Variants in DSCAML1 observed in about 807,000 individuals in gnomAD.
DSCAML1 encodes the protein cell adhesion molecule DSCAML1.
In DSCAML1, 38 loss-of-function variants were observed where a neutral mutation model predicts 200.5. The ratio of observed to expected loss-of-function variants is 0.19; its 90% CI spans 0.15 to 0.25. DSCAML1 has a LOEUF of 0.25. DSCAML1 is among the 10% of genes least tolerant of loss of function. The pLI, the probability that DSCAML1 is intolerant of heterozygous loss-of-function variation, is 1.00. For synonymous variants in DSCAML1, 1,215 were observed against 1,165.0 expected (o/e 1.04, Z -0.87); for missense variants, 2,223 against 2,858.8 (o/e 0.78, Z 5.07).
At chr11:117,744,903 C>T (rs961297609) in intron 3 of DSCAML1, among the ~76,000 whole-genome samples, 3 of 152,242 alleles carry the variant, frequency 2.0e-5, no homozygotes, top group African/African-American at 7.2e-5. Flanking sequence ...CCCTGCATGC[C>T]AGGGCCTGTC....
chr11:117,665,262 G>T (rs1414112544), intron 3 of DSCAML1, among the ~76,000 whole-genome samples: 1 of 152,212 alleles, frequency 6.6e-6, no homozygotes, highest in African/African-American at 2.4e-5. Flanking sequence ...GTGTCCCCAA[G>T]GGGACTGGAA....
At chr11:117,660,863 G>A (rs144450606) in intron 3 of DSCAML1, among the ~76,000 whole-genome samples, 212 of 152,306 alleles carry the variant, frequency 1.4e-3, no homozygotes, top group African/African-American at 4.8e-3. Flanking sequence ...TTCTGAATTT[G>A]AGAAAGATCC....
In DSCAML1 at chr11:117,616,062, C is replaced by T. The variant is rs528336528; in HGVS notation, c.512-83540G>A. 9.8e-5 allele frequency among the ~76,000 whole-genome samples: 15 copies of T among 152,326 alleles called. No homozygotes were observed. In the South Asian group the frequency reaches 3.1e-3, roughly 32 times the overall value. On this transcript the variant is annotated intron_variant, in intron 3 of 32. Transcript: ENST00000651296. Reference sequence around the variant, plus strand: ...GGTTGCAGCCACTCAGGGTATCAGACACAGTAATCCTGTAATTGACAGAGT... The same window carrying T: ...GGTTGCAGCCACTCAGGGTATCAGATACAGTAATCCTGTAATTGACAGAGT...
chr11:117,571,682 G>T (rs1413482970), intron 3 of DSCAML1, among the ~76,000 whole-genome samples: 2 of 151,576 alleles, frequency 1.3e-5, no homozygotes, highest in African/African-American at 2.4e-5. Context: ...CCACCTACAG[G>T]TGTTCTCCTT....
intron 3 of DSCAML1, among the ~76,000 whole-genome samples, chr11:117,560,050 G>C (rs936550611): frequency 6.6e-6 from 1 of 152,126 alleles, no homozygotes; most frequent in Non-Finnish European, 1.5e-5. Context: ...GCTGGGAGGG[G>C]TGGGGGCAGG....
chr11:117,591,949 C>T (rs1228418505), intron 3 of DSCAML1, among the ~76,000 whole-genome samples: 4 of 152,118 alleles, frequency 2.6e-5, no homozygotes, highest in African/African-American at 9.7e-5. Context: ...CAAAGGGAGG[C>T]AGGGCTGGGA....
At position 117,540,291 on chromosome 11, in the gene DSCAML1, G is replaced by T. The variant is rs962005990; in HGVS notation, c.512-7769C>A. On this transcript the variant is annotated intron_variant, in intron 3 of 32. Coordinates refer to ENST00000651296, the MANE Select transcript of DSCAML1 (RefSeq NM_020693.4). ...CAGCAGCAGCATTAGATTCTCACAG[G>T]AGTGCGAACCCTATTGTGAACTGTG... Among the ~76,000 whole-genome samples, 3 of 152,292 alleles carry T rather than the reference G, an allele frequency of 2.0e-5. No homozygotes were observed. The South Asian group carries it at 6.2e-4, about 32-fold the overall frequency.
intron 15 of DSCAML1, among the ~76,000 whole-genome samples, chr11:117,471,504 A>G (rs2137180153): frequency 6.6e-6 from 1 of 152,318 alleles, no homozygotes; most frequent in East Asian, 1.9e-4. Flanking sequence ...CATGATAACA[A>G]AAGAAAACAT....
intron 3 of DSCAML1, among the ~76,000 whole-genome samples, chr11:117,705,602 AAG>A (rs1320353014): frequency 6.6e-6 from 1 of 152,142 alleles, no homozygotes; most frequent in Non-Finnish European, 1.5e-5. Flanking sequence ...GAGGCTCAGA[AAG>A]AGAGACCAGT....
intron 3 of DSCAML1, chr11:117,611,164 C>T (rs1324798104): frequency 6.6e-6 from 1 of 152,230 alleles, no homozygotes; most frequent in Non-Finnish European, 1.5e-5. Flanking sequence ...TTCTACCCGC[C>T]CTCCTCACTT....
At chr11:117,592,388 T>C (rs1344404068) in intron 3 of DSCAML1, among the ~76,000 whole-genome samples, 2 of 152,136 alleles carry the variant, frequency 1.3e-5, no homozygotes, top group African/African-American at 4.8e-5. Flanking sequence ...TCTCCACATC[T>C]GTGTCCGTGT....
chr11:117,609,030 ACAAAC>A (rs772173160), intron 3 of DSCAML1, among the ~76,000 whole-genome samples: 1,815 of 116,554 alleles, frequency 0.016, 45 homozygotes, highest in African/African-American at 0.052. Flanking sequence ...AAACAAACAA[ACAAAC>A]AAAAAAAACA....
At chr11:117,608,752 A>C (rs1164692884) in intron 3 of DSCAML1, among the ~76,000 whole-genome samples, 1 of 152,256 alleles carries the variant, frequency 6.6e-6, no homozygotes, top group Admixed American at 6.5e-5. Context: ...TATCAGGTCT[A>C]CAGGAAATAA....
intron 3 of DSCAML1, among the ~76,000 whole-genome samples, chr11:117,688,132 A>G (rs1418500782): frequency 6.6e-6 from 1 of 152,250 alleles, no homozygotes; most frequent in African/African-American, 2.4e-5. Flanking sequence ...GGAATTCTCA[A>G]TAGCAGCAGC....
intron 3 of DSCAML1, among the ~76,000 whole-genome samples, chr11:117,579,422 C>A (rs1456951390): frequency 2.6e-5 from 4 of 152,196 alleles, no homozygotes; most frequent in Non-Finnish European, 5.9e-5. Context: ...ACAACTGGAT[C>A]ATTTTCACTT....
chr11:117,749,099 C>A (rs1417670071), intron 3 of DSCAML1, among the ~76,000 whole-genome samples: 5 of 152,168 alleles, frequency 3.3e-5, no homozygotes, highest in Admixed American at 6.5e-5. Context: ...ATCTTCATTC[C>A]CAGAGAGGAT....
intron 11 of DSCAML1, among the ~76,000 whole-genome samples, chr11:117,499,242 G>A (rs958594061): frequency 6.6e-6 from 1 of 152,140 alleles, no homozygotes; most frequent in Non-Finnish European, 1.5e-5. Flanking sequence ...GAAATAAAAG[G>A]CAGCTCTGTG....
Position 117,469,532 on chromosome 11 carries a change from C to G in DSCAML1, c.3024+378G>C, listed in dbSNP as rs2048644315. ...GGTAGGGAGGGCAGTTGTTTTCATG[C>G]TGATGTTAGAAAGGAGGAACTTGGC... On this transcript the variant is annotated intron_variant, in intron 16 of 32. Transcript: ENST00000651296. This position sits in a 1 kb window ranked among gnomAD's most constrained non-coding sequence, Gnocchi z 4.1. Among the ~76,000 whole-genome samples, 1 of 152,144 alleles carries G rather than the reference C, an allele frequency of 6.6e-6. No homozygotes were observed. The highest frequency in any genetic ancestry group is 2.4e-5 in the African/African-American group (1 of 41,436).
chr11:117,473,721 G>A (rs972405542), intron 14 of DSCAML1, among the ~76,000 whole-genome samples: 12 of 152,278 alleles, frequency 7.9e-5, no homozygotes, highest in African/African-American at 2.2e-4. Context: ...GGTTTCACGA[G>A]CCAGAGAAAC....
Sources: allele counts gnomAD v4.1 joint callset (sites outside exome capture counted in the v4.1 genomes callset), GRCh38; gene constraint gnomAD v4.1.1; non-coding constraint Gnocchi (gnomAD v3.1); transcripts MANE v1.5; gene names NCBI Gene and HGNC (gene_info 2026-07-23, HGNC 2026-07-21).